EFNA5: variants seen among roughly 807,000 people sequenced by gnomAD.
EFNA5 encodes the protein ephrin-A5.
EFNA5 carries 5 observed loss-of-function variants against 22.9 expected under a neutral mutation model. That is an observed-to-expected ratio of 0.22 (90% CI 0.11 to 0.46). The LOEUF (loss-of-function observed/expected upper bound fraction) is 0.46. Ranked by LOEUF, EFNA5 falls within the 20% of genes least tolerant of loss-of-function variation. The pLI is 0.99. For synonymous variants in EFNA5, 113 were observed against 112.2 expected, an observed-to-expected ratio of 1.01 and a Z score of -0.04; for missense variants, 237 against 293.3, an observed-to-expected ratio of 0.81 and a Z score of 1.40.
intron 1 of EFNA5, among the ~76,000 whole-genome samples, chr5:107,501,175 T>A (rs1402429368): frequency 6.6e-6 from 1 of 152,216 alleles, no homozygotes; most frequent in Non-Finnish European, 1.5e-5. Flanking sequence ...CACAGGCCCT[T>A]GTTAAAACAA....
chr5:107,409,297 T>C (rs562355822), intron 2 of EFNA5, among the ~76,000 whole-genome samples: 2 of 152,242 alleles, frequency 1.3e-5, no homozygotes, highest in Non-Finnish European at 2.9e-5. Context: ...GGGAACCTTT[T>C]GGATTCAGCA....
chr5:107,491,739 GA>G (rs1287504944), intron 1 of EFNA5, among the ~76,000 whole-genome samples: 1 of 152,192 alleles, frequency 6.6e-6, no homozygotes, highest in African/African-American at 2.4e-5. Flanking sequence ...TGGAAAATAG[GA>G]GTGGGAAGAA....
At chr5:107,547,581 T>G (rs1399060095) in intron 1 of EFNA5, among the ~76,000 whole-genome samples, 1 of 151,142 alleles carries the variant, frequency 6.6e-6, no homozygotes, top group African/African-American at 2.4e-5. Flanking sequence ...GTTGTGCAAA[T>G]AAATACAGAG....
At chr5:107,394,188 C>T (rs17159888) in intron 2 of EFNA5, among the ~76,000 whole-genome samples, 4,275 of 152,196 alleles carry the variant, frequency 0.028, 107 homozygotes, top group African/African-American at 0.063. Context: ...CGCTCATGGC[C>T]CCGGTTTACC....
chr5:107,446,858 C>A (rs1749413714), intron 1 of EFNA5, among the ~76,000 whole-genome samples: 1 of 152,168 alleles, frequency 6.6e-6, no homozygotes, highest in Admixed American at 6.5e-5. Context: ...CAGTCACCTT[C>A]TGGAAGCATG....
At chr5:107,585,972 C>T (rs1056622130) in intron 1 of EFNA5, among the ~76,000 whole-genome samples, 2 of 152,110 alleles carry the variant, frequency 1.3e-5, no homozygotes, top group African/African-American at 4.8e-5. Flanking sequence ...ATGAAGACTA[C>T]TATGAAAAGC....
chr5:107,655,759 T>C (rs958682662), intron 1 of EFNA5, among the ~76,000 whole-genome samples: 3 of 152,124 alleles, frequency 2.0e-5, no homozygotes, highest in South Asian at 4.1e-4. Context: ...CACCTGACAA[T>C]GCTATAGGAA....
intron 1 of EFNA5, among the ~76,000 whole-genome samples, chr5:107,430,057 T>C (rs1748907721): frequency 6.6e-6 from 1 of 152,210 alleles, no homozygotes; most frequent in Non-Finnish European, 1.5e-5. Flanking sequence ...ACATAACCAT[T>C]TTTTTAAAAA....
At chr5:107,437,593 CG>C (rs1749150018) in intron 1 of EFNA5, among the ~76,000 whole-genome samples, 1 of 152,160 alleles carries the variant, frequency 6.6e-6, no homozygotes, top group Non-Finnish European at 1.5e-5. Context: ...TTATTTTTTA[CG>C]TATAGATCTC....
At chr5:107,427,608 T>G (rs1268605476) in intron 1 of EFNA5, 99 bp from the exon 2 acceptor site, 1 of 1,116,568 alleles carries the variant, frequency 9.0e-7, no homozygotes, top group Non-Finnish European at 1.3e-6. Context: ...AGCTAAAGCA[T>G]CTAGTATAGT....
chr5:107,526,691 A>T (rs2112448061), intron 1 of EFNA5, among the ~76,000 whole-genome samples: 1 of 152,328 alleles, frequency 6.6e-6, no homozygotes, highest in East Asian at 1.9e-4. Context: ...TTATTCTAAC[A>T]ACTAAATCAG....
Position 107,594,676 on chromosome 5 carries a change from G to C in EFNA5, c.125+75813C>G, listed in dbSNP as rs577245454. ...ATTCATATTTTTAGCTACAAAGTCA[G>C]GGCCTGCTTTCTCCCAACCATTTTC... On this transcript the variant is annotated intron_variant, in intron 1 of 4. Coordinates refer to ENST00000333274, the MANE Select transcript of EFNA5 (RefSeq NM_001962.3). Among the ~76,000 whole-genome samples the C allele has an allele frequency of 2.0e-5, 3 of 152,286 alleles. No individual in the cohort carries two copies. The East Asian group carries it at 5.8e-4, about 29-fold the overall frequency.
chr5:107,438,389 A>T (rs1244417111), intron 1 of EFNA5, among the ~76,000 whole-genome samples: 2 of 152,140 alleles, frequency 1.3e-5, no homozygotes, highest in Admixed American at 1.3e-4. Context: ...CGCCTATCAC[A>T]TTGGCAGAAA....
chr5:107,519,699 T>A (rs1239277011), intron 1 of EFNA5, among the ~76,000 whole-genome samples: 1 of 152,224 alleles, frequency 6.6e-6, no homozygotes, highest in Admixed American at 6.5e-5. Context: ...AAATTAGACA[T>A]CTACCTGAAC....
At chr5:107,531,199 A>G (rs1286090341) in intron 1 of EFNA5, among the ~76,000 whole-genome samples, 1 of 152,190 alleles carries the variant, frequency 6.6e-6, no homozygotes, top group Non-Finnish European at 1.5e-5. Flanking sequence ...GGTTAACTGT[A>G]AGCTCACCCT....
chr5:107,502,145 C>A (rs924083110), intron 1 of EFNA5, among the ~76,000 whole-genome samples: 1 of 152,238 alleles, frequency 6.6e-6, no homozygotes, highest in Non-Finnish European at 1.5e-5. Context: ...TCTCAGTTCA[C>A]CGATCTAATT....
chr5:107,646,505 G>A (rs1254246373), intron 1 of EFNA5, among the ~76,000 whole-genome samples: 2 of 152,132 alleles, frequency 1.3e-5, no homozygotes, highest in Admixed American at 6.6e-5. Context: ...TGGTATTAAT[G>A]TCCAGTGAGG....
chr5:107,560,521 C>G (rs1337530383), intron 1 of EFNA5, among the ~76,000 whole-genome samples: 1 of 152,164 alleles, frequency 6.6e-6, no homozygotes, highest in Non-Finnish European at 1.5e-5. Flanking sequence ...TTCCATTGAA[C>G]TACTTGAGTC....
intron 1 of EFNA5, among the ~76,000 whole-genome samples, chr5:107,596,010 A>T (rs1169395778): frequency 1.3e-5 from 2 of 152,226 alleles, no homozygotes; most frequent in Non-Finnish European, 2.9e-5. Flanking sequence ...AGAAAAAAAT[A>T]TTCCCTTCCT....
Sources: allele counts gnomAD v4.1 joint callset (sites outside exome capture counted in the v4.1 genomes callset), GRCh38; gene constraint gnomAD v4.1.1; transcripts MANE v1.5; gene names NCBI Gene and HGNC (gene_info 2026-07-23, HGNC 2026-07-21).